Variants in LGR5 observed in about 807,000 individuals in gnomAD.
The protein encoded by LGR5 is leucine-rich repeat-containing G protein-coupled receptor 5.
LGR5 carries 54 observed loss-of-function variants against 76.7 expected under a neutral mutation model. The ratio of observed to expected loss-of-function variants is 0.70; its 90% CI spans 0.57 to 0.88. The LOEUF (loss-of-function observed/expected upper bound fraction) is 0.88. Among genes scored for constraint, LGR5 ranks in the 40% least tolerant of loss-of-function variants. The pLI is 0.00. For synonymous variants in LGR5, 406 were observed against 421.9 expected (o/e 0.96, Z 0.46); for missense variants, 1,078 against 1,073.3 (o/e 1.00, Z -0.06).
intron 1 of LGR5, among the ~76,000 whole-genome samples, chr12:71,454,335 A>G (rs1872374679): frequency 6.6e-6 from 1 of 152,218 alleles, no homozygotes; most frequent in African/African-American, 2.4e-5. Flanking sequence ...AACATGGAAG[A>G]AACCGTCAGA....
chr12:71,470,444 A>G (rs1873048661), intron 1 of LGR5, among the ~76,000 whole-genome samples: 1 of 152,188 alleles, frequency 6.6e-6, no homozygotes. Context: ...TTTACAGGTA[A>G]TGATGGATCT....
Position 71,440,207 on chromosome 12 carries a change from G to C in LGR5, c.127G>C (p.Asp43His). Residue 43 changes from aspartate to histidine, a missense_variant, in exon 1 of 18, where the codon GAC (aspartate) becomes CAC (histidine). Coordinates refer to ENST00000266674, the MANE Select transcript of LGR5 (RefSeq NM_003667.4). The surrounding 1 kb of genome is among the most constrained non-coding windows in gnomAD (Gnocchi z 5.3). ...CCCCACACACTGTCATTGCGAGCCC[G>C]ACGGCAGGATGTTGCTCAGGGTGGA... ...GCPTHCHCEP[D>H]GRMLLRVDCS... 1 of 1,612,966 alleles carries C rather than the reference G, an allele frequency of 6.2e-7. No individual in the cohort carries two copies. Among genetic ancestry groups the C allele is most frequent in the Non-Finnish European group, 8.5e-7 (1 of 1,179,786 alleles).
chr12:71,488,849 G>A (rs151068067), intron 1 of LGR5, among the ~76,000 whole-genome samples: 1 of 152,136 alleles, frequency 6.6e-6, no homozygotes, highest in South Asian at 2.1e-4. Flanking sequence ...AAGGACTGAG[G>A]ATGATAAGGG....
At position 71,584,785 on chromosome 12, in the gene LGR5, G is replaced by C. The variant is rs1194702767; in HGVS notation, c.*51G>C. Reference sequence around the variant, plus strand: ...AAAGGTTGAGAACCTGAAAATGTGAGATTGAGTATATCAGAGCAGTAATTA... The same window carrying C: ...AAAGGTTGAGAACCTGAAAATGTGACATTGAGTATATCAGAGCAGTAATTA... On this transcript the variant is annotated 3_prime_UTR_variant, in exon 18 of 18. Coordinates refer to ENST00000266674, the MANE Select transcript of LGR5 (RefSeq NM_003667.4). The C allele has an allele frequency of 6.4e-7, 1 of 1,550,900 alleles. No individual in the cohort carries two copies. The highest frequency in any genetic ancestry group is 1.4e-5 in the African/African-American group (1 of 73,420).
chr12:71,534,297 T>C (rs1876473626), intron 3 of LGR5, among the ~76,000 whole-genome samples: 1 of 152,238 alleles, frequency 6.6e-6, no homozygotes, highest in Admixed American at 6.5e-5. Context: ...TTTTATTTCA[T>C]AGCTTCCAGG....
intron 4 of LGR5, among the ~76,000 whole-genome samples, chr12:71,551,723 G>C (rs187475958): frequency 2.0e-5 from 3 of 152,238 alleles, no homozygotes; most frequent in Admixed American, 6.5e-5. Context: ...TAAATGTATT[G>C]CACTCCCTCT....
intron 1 of LGR5, among the ~76,000 whole-genome samples, chr12:71,460,639 C>G (rs902866781): frequency 6.6e-6 from 1 of 152,072 alleles, no homozygotes; most frequent in Non-Finnish European, 1.5e-5. Flanking sequence ...CAAATTAATG[C>G]CATGTTTAAC....
At chr12:71,540,908 A>G (rs1235955959) in intron 4 of LGR5, among the ~76,000 whole-genome samples, 1 of 152,232 alleles carries the variant, frequency 6.6e-6, no homozygotes, top group African/African-American at 2.4e-5. Flanking sequence ...TCCTTCCACT[A>G]AAATAGTCTC....
chr12:71,580,187 A>G lies in LGR5; in HGVS notation c.1407-91A>G, dbSNP rs73339876. ...GATTATTTATTTAGGCTAAAATCCA[A>G]AGGTAGAATAATTGGGTGAAAGAAC... On this transcript the variant is annotated intron_variant, in intron 15 of 17. Coordinates refer to ENST00000266674, the MANE Select transcript of LGR5 (RefSeq NM_003667.4). 4.4e-4 allele frequency: 541 copies of G among 1,234,164 alleles called. No individual in the cohort carries two copies. The African/African-American group carries it at 6.5e-3, about 15-fold the overall frequency. 76.5% of individuals were successfully genotyped at this position (1,234,164 alleles called of 1,614,324 possible). A position where few individuals can be genotyped will look rare whatever the true frequency, so the allele number is the denominator to read the frequency against.
intron 1 of LGR5, among the ~76,000 whole-genome samples, chr12:71,503,737 T>A (rs1023425406): frequency 2.0e-5 from 3 of 152,214 alleles, no homozygotes; most frequent in African/African-American, 7.2e-5. Flanking sequence ...GTGCAACAAG[T>A]CATTTCTTAA....
At chr12:71,571,308 G>T in intron 11 of LGR5, 1 of 431,174 alleles carries the variant, frequency 2.3e-6, no homozygotes, top group Non-Finnish European at 4.1e-6. Context: ...AATTAAAGAA[G>T]TATAACAGTT....
intron 6 of LGR5, among the ~76,000 whole-genome samples, chr12:71,559,229 G>A (rs1209568112): frequency 6.6e-6 from 1 of 152,180 alleles, no homozygotes; most frequent in Non-Finnish European, 1.5e-5. Flanking sequence ...TGGCCAATTA[G>A]TGAGCCCGGT....
chr12:71,575,507 G>A (rs1878807186), intron 13 of LGR5, among the ~76,000 whole-genome samples: 1 of 152,064 alleles, frequency 6.6e-6, no homozygotes, highest in African/African-American at 2.4e-5. Context: ...TCAGGAGTTC[G>A]AGATCAGTGT....
chr12:71,479,175 A>G (rs1873473840), intron 1 of LGR5, among the ~76,000 whole-genome samples: 1 of 152,186 alleles, frequency 6.6e-6, no homozygotes, highest in Non-Finnish European at 1.5e-5. Context: ...TTGTTCATTA[A>G]TGTCTCCTTG....
intron 1 of LGR5, among the ~76,000 whole-genome samples, chr12:71,451,783 T>C (rs1872260351): frequency 6.6e-6 from 1 of 152,238 alleles, no homozygotes; most frequent in Non-Finnish European, 1.5e-5. Flanking sequence ...CTTTGACATC[T>C]TGGAGCCTTG....
intron 1 of LGR5, among the ~76,000 whole-genome samples, chr12:71,483,483 G>A (rs946852435): frequency 4.6e-5 from 7 of 152,186 alleles, no homozygotes; most frequent in African/African-American, 1.7e-4. Context: ...CTCCTCATGT[G>A]TATGGTACTT....
At chr12:71,495,140 CA>C (rs1565691152) in intron 1 of LGR5, among the ~76,000 whole-genome samples, 1 of 150,904 alleles carries the variant, frequency 6.6e-6, no homozygotes, top group Non-Finnish European at 1.5e-5. Context: ...TAAAGCACAG[CA>C]AAATTTTAGA....
At position 71,583,722 on chromosome 12, in the gene LGR5, C is replaced by G; in HGVS notation, c.1712C>G (p.Ala571Gly). 1 of 1,614,098 alleles carries G rather than the reference C, an allele frequency of 6.2e-7. No homozygotes were observed. Among genetic ancestry groups the G allele is most frequent in the Non-Finnish European group, 8.5e-7 (1 of 1,179,994 alleles). ...GGAGTGTGGACCATAGCAGTTCTGG[C>G]ACTTACTTGTAATGCTTTGGTGACT... ...RIGVWTIAVL[A>G]LTCNALVTST... Residue 571 changes from alanine (A) to glycine (G), a missense_variant, in exon 18 of 18, where the codon GCA (alanine) becomes GGA (glycine). Physicochemically the swap from Ala to Gly is moderately conservative, Grantham distance 60 (BLOSUM62 0). Coordinates refer to ENST00000266674, the MANE Select transcript of LGR5 (RefSeq NM_003667.4).
chr12:71,493,974 C>T (rs566269381), intron 1 of LGR5, among the ~76,000 whole-genome samples: 16 of 143,932 alleles, frequency 1.1e-4, no homozygotes, highest in African/African-American at 2.7e-4. Flanking sequence ...GATGGAGTCT[C>T]GCTCTGTCCC....
Sources: allele counts gnomAD v4.1 joint callset (sites outside exome capture counted in the v4.1 genomes callset), GRCh38; gene constraint gnomAD v4.1.1; non-coding constraint Gnocchi (gnomAD v3.1); transcripts MANE v1.5; gene names NCBI Gene and HGNC (gene_info 2026-07-23, HGNC 2026-07-21).